PPP4R1: variants seen among roughly 807,000 people sequenced by gnomAD.
PPP4R1 encodes the protein protein phosphatase 4 regulatory subunit 1, also known as serine/threonine-protein phosphatase 4 regulatory subunit 1.
Under a neutral mutation model 111.2 loss-of-function variants are expected in PPP4R1, and 42 were observed. That is an observed-to-expected ratio of 0.38 (90% CI 0.29 to 0.49). The LOEUF is 0.49. Ranked by LOEUF, PPP4R1 falls within the 20% of genes least tolerant of loss-of-function variation. The pLI, the probability that PPP4R1 is intolerant of heterozygous loss-of-function variation, is 0.97. For missense variants in PPP4R1, 1,012 were observed against 1,161.6 expected (o/e 0.87, Z 1.87); for synonymous variants, 409 against 405.5 (o/e 1.01, Z -0.10).
At chr18:9,610,432 TTAAATACA>T (rs1442059895) in intron 2 of PPP4R1, among the ~76,000 whole-genome samples, 1 of 152,230 alleles carries the variant, frequency 6.6e-6, no homozygotes, top group East Asian at 1.9e-4. Context: ...ACTTTTAAAC[TTAAATACA>T]TATGGTTTTT....
Position 9,588,708 on chromosome 18 carries a change from T to A in PPP4R1, c.438+3A>T. The A allele has an allele frequency of 6.2e-7, 1 of 1,604,820 alleles. No homozygotes were observed. On this transcript the variant is annotated splice_donor_region_variant and intron_variant, in intron 5 of 19. Coordinates refer to ENST00000400556, the MANE Select transcript of PPP4R1 (RefSeq NM_001042388.3). Reference sequence around the variant, plus strand: ...TTTAAGAACATATAAATGGTACTCTTACCTGATTATTCTGATCTGCAAGGT... The same window carrying A: ...TTTAAGAACATATAAATGGTACTCTAACCTGATTATTCTGATCTGCAAGGT...
Position 9,573,205 on chromosome 18 carries a change from T to C in PPP4R1, c.1047-2522A>G, listed in dbSNP as rs1199008396. 2.6e-5 allele frequency among the ~76,000 whole-genome samples: 4 copies of C among 152,218 alleles called. No individual in the cohort carries two copies. The East Asian group carries it at 5.8e-4, about 22-fold the overall frequency. ...GTTATAAAGAACATTAGTGGGCCAATTGGTAAAATTCAATAAAGGCTAGAT... is the reference window on the plus strand; with the variant it reads ...GTTATAAAGAACATTAGTGGGCCAACTGGTAAAATTCAATAAAGGCTAGAT... On this transcript the variant is annotated intron_variant, in intron 10 of 19. Coordinates refer to ENST00000400556, the MANE Select transcript of PPP4R1 (RefSeq NM_001042388.3).
intron 9 of PPP4R1, among the ~76,000 whole-genome samples, chr18:9,581,123 T>C (rs1021351888): frequency 6.6e-6 from 1 of 150,542 alleles, no homozygotes; most frequent in Non-Finnish European, 1.5e-5. Flanking sequence ...AAACTACACA[T>C]ATTATCTAAA....
rs751995069 is a variant in PPP4R1, at chr18:9,584,567, T to G, written c.707A>C (p.Asn236Thr). Residue 236 changes from asparagine (N) to threonine (T), a missense_variant, in exon 8 of 20, where the codon AAT becomes ACT. Asn to Thr is a moderately conservative substitution (Grantham distance 65, BLOSUM62 0). Coordinates refer to ENST00000400556, the MANE Select transcript of PPP4R1 (RefSeq NM_001042388.3). ...MFHVRKVCAA[N>T]FGDICSVVGQ... ...AACTACACTGCAAATATCTCCAAAA[T>G]TGGCAGCACAGACCTGACAACAAAA... 6.2e-7 allele frequency: 1 copy of G among 1,613,248 alleles called. No homozygotes were observed. The highest frequency in any genetic ancestry group is 1.1e-5 in the South Asian group (1 of 90,818).
rs201348838 is a variant in PPP4R1, at chr18:9,563,512, T to G, written c.1612A>C (p.Ser538Arg). ...ATGGTCTCTTCATGTGCATCCAGGCTGGAAGCACGTAGTGCAGCGGACAGC... is the reference window on the plus strand; with the variant it reads ...ATGGTCTCTTCATGTGCATCCAGGCGGGAAGCACGTAGTGCAGCGGACAGC... Reference protein sequence around the residue: ...EVLSAALRASSLDAHEETISI... With the variant: ...EVLSAALRASRLDAHEETISI... The change falls in exon 12 of 20, where the codon AGC (serine) becomes CGC (arginine). Residue 538 changes from serine to arginine, a missense_variant. Physicochemically the swap from Ser to Arg is moderately radical, Grantham distance 110 (BLOSUM62 -1). Transcript: ENST00000400556. 11 of 1,608,510 alleles carry G rather than the reference T, an allele frequency of 6.8e-6. No homozygotes were observed. In the East Asian group the frequency reaches 2.5e-4, roughly 36 times the overall value.
At chr18:9,606,747 TTATC>T (rs2067488465) in intron 2 of PPP4R1, among the ~76,000 whole-genome samples, 1 of 152,030 alleles carries the variant, frequency 6.6e-6, no homozygotes, top group Non-Finnish European at 1.5e-5. Flanking sequence ...AGTGGCATGT[TTATC>T]TAGTTTCAAG....
At chr18:9,582,719 T>C (rs1306247454) in intron 9 of PPP4R1, among the ~76,000 whole-genome samples, 1 of 152,136 alleles carries the variant, frequency 6.6e-6, no homozygotes, top group African/African-American at 2.4e-5. Context: ...AAAGGCACCA[T>C]AAGAAAACTA....
chr18:9,573,771 C>T (rs2066897275), intron 10 of PPP4R1, among the ~76,000 whole-genome samples: 1 of 152,062 alleles, frequency 6.6e-6, no homozygotes, highest in South Asian at 2.1e-4. Flanking sequence ...ACTAGCTCAC[C>T]TTGGTGTTAA....
chr18:9,551,776 G>C (rs2066493005), intron 16 of PPP4R1: 1 of 152,236 alleles, frequency 6.6e-6, no homozygotes, highest in African/African-American at 2.4e-5. Context: ...CCGAGACCAA[G>C]CACAGATAGG....
At position 9,584,549 on chromosome 18, in the gene PPP4R1, C is replaced by A. The variant is rs373536489; in HGVS notation, c.725G>T (p.Ser242Ile). The A allele has an allele frequency of 5.6e-6, 9 of 1,613,328 alleles. No homozygotes were observed. In the African/African-American group the frequency reaches 9.3e-5, roughly 17 times the overall value. ...TTCAGTAGCTTGCTGGCCAACTACA[C>A]TGCAAATATCTCCAAAATTGGCAGC... ...VCAANFGDIC[S>I]VVGQQATEEM... The change falls in exon 8 of 20, where the codon AGT becomes ATT. Residue 242 changes from serine (S) to isoleucine (I), a missense_variant. Transcript: ENST00000400556.
intron 16 of PPP4R1, among the ~76,000 whole-genome samples, chr18:9,552,346 T>C (rs1011352517): frequency 3.3e-5 from 5 of 152,210 alleles, no homozygotes; most frequent in African/African-American, 1.2e-4. Flanking sequence ...CACAATGAAG[T>C]GCTGTTCCAA....
rs1293246552 is a variant in PPP4R1, at chr18:9,614,103, CTG to C, written c.52+121_52+122del. 5 of 891,860 alleles carry C rather than the reference CTG, an allele frequency of 5.6e-6. No homozygotes were observed. Among genetic ancestry groups the C allele is most frequent in the African/African-American group, 1.8e-5 (1 of 55,508 alleles). The allele number at this position is 891,860 out of a possible 1,614,324, so 55.2% of individuals were successfully genotyped here. A position where few individuals can be genotyped will look rare whatever the true frequency, so the allele number is the denominator to read the frequency against. The stretch of plus-strand genomic sequence containing the variant: ...CCCCCCGATCGCCACCCCAGCCCGC[CTG>C]GGGCCGCCCTCGCCCACCGTCCCCT... On this transcript the variant is annotated intron_variant, in intron 2 of 19. Coordinates refer to ENST00000400556, the MANE Select transcript of PPP4R1 (RefSeq NM_001042388.3). This position sits in a 1 kb window ranked among gnomAD's most constrained non-coding sequence, Gnocchi z 4.1.
chr18:9,556,126 A>G (rs758768440), intron 15 of PPP4R1, among the ~76,000 whole-genome samples: 1 of 149,422 alleles, frequency 6.7e-6, no homozygotes, highest in African/African-American at 2.5e-5. Flanking sequence ...CTGCCACTGC[A>G]CTCCAGCCTT....
At position 9,570,286 on chromosome 18, in the gene PPP4R1, G is replaced by T; in HGVS notation, c.1444C>A (p.Pro482Thr). 6 of 1,612,294 alleles carry T rather than the reference G, an allele frequency of 3.7e-6. No individual in the cohort carries two copies. The highest frequency in any genetic ancestry group is 5.1e-6 in the Non-Finnish European group (6 of 1,179,316). ...LEQNSGGKPS[P>T]EGPEEESEGP... is the part of the protein sequence containing the mutation. ...TCAGATTCTTCCTCTGGTCCCTCTG[G>T]GCTGGGTTTTCCCCCAGAGTTCTGT... Residue 482 changes from proline to threonine, a missense_variant, in exon 11 of 20, where the codon CCA (proline) becomes ACA (threonine). Pro to Thr is a conservative substitution (Grantham distance 38). This residue lies in a region of PPP4R1 where 707 missense variants were observed against 742.1 expected (regional missense o/e 0.95). Transcript: ENST00000400556.
intron 13 of PPP4R1, 35 bp from the exon 14 acceptor site, chr18:9,559,639 G>A (rs1445165717): frequency 6.8e-7 from 1 of 1,474,902 alleles, no homozygotes; most frequent in Non-Finnish European, 9.2e-7. Flanking sequence ...TGACTGAGCA[G>A]CTGAGATGCA....
intron 11 of PPP4R1, among the ~76,000 whole-genome samples, chr18:9,566,659 ACACACACACAC>A (rs2066771731): frequency 1.2e-5 from 1 of 81,830 alleles, no homozygotes; most frequent in African/African-American, 5.2e-5. Context: ...ACACACACAC[ACACACACACAC>A]ACACACACAC....
intron 4 of PPP4R1, among the ~76,000 whole-genome samples, chr18:9,591,960 G>A (rs1322076001): frequency 5.9e-5 from 9 of 152,118 alleles, no homozygotes; most frequent in East Asian, 5.8e-4. Context: ...CCAGTTATTC[G>A]AGAGGCTGAG....
chr18:9,605,638 C>A (rs1598963788), intron 2 of PPP4R1, among the ~76,000 whole-genome samples: 2 of 124,880 alleles, frequency 1.6e-5, no homozygotes, highest in African/African-American at 3.0e-5. Context: ...ACAGATAAAA[C>A]CAAATGGACT....
At chr18:9,580,758 A>G (rs2067015911) in intron 9 of PPP4R1, among the ~76,000 whole-genome samples, 1 of 152,186 alleles carries the variant, frequency 6.6e-6, no homozygotes, top group Non-Finnish European at 1.5e-5. Context: ...CACAGGCTGC[A>G]TCGCTCCAGC....
Sources: allele counts gnomAD v4.1 joint callset (sites outside exome capture counted in the v4.1 genomes callset), GRCh38; gene constraint gnomAD v4.1.1; regional missense constraint gnomAD v4.1.1; non-coding constraint Gnocchi (gnomAD v3.1); transcripts MANE v1.5; gene names NCBI Gene and HGNC (gene_info 2026-07-23, HGNC 2026-07-21).